LIMA1: variants seen among roughly 807,000 people sequenced by gnomAD.
LIMA1 encodes the protein LIM domain and actin-binding protein 1.
Under a neutral mutation model 62.6 loss-of-function variants are expected in LIMA1, and 52 were observed. The ratio of observed to expected loss-of-function variants is 0.83; its 90% CI spans 0.67 to 1.05. LIMA1 has a LOEUF of 1.05. Ranked by LOEUF, LIMA1 falls within the 50% of genes least tolerant of loss-of-function variation. The pLI is 0.00. For synonymous variants in LIMA1, 302 were observed against 317.8 expected (o/e 0.95, Z 0.53); for missense variants, 780 against 902.2 (o/e 0.86, Z 1.74).
chr12:50,191,780 C>T (rs1171886802), intron 9 of LIMA1, among the ~76,000 whole-genome samples: 1 of 152,124 alleles, frequency 6.6e-6, no homozygotes, highest in Non-Finnish European at 1.5e-5. Context: ...CAAGATAGCG[C>T]CACTGCACTC....
chr12:50,276,036 C>T (rs905013709), intron 1 of LIMA1, among the ~76,000 whole-genome samples: 1 of 151,950 alleles, frequency 6.6e-6, no homozygotes, highest in Non-Finnish European at 1.5e-5. Flanking sequence ...GTAATTCTAA[C>T]ACAGGCAATT....
intron 1 of LIMA1, among the ~76,000 whole-genome samples, chr12:50,253,995 T>C (rs1592557507): frequency 8.0e-6 from 1 of 124,964 alleles, no homozygotes. Flanking sequence ...GCCATTGCAC[T>C]CCAGCCTGGG....
At chr12:50,277,100 T>A (rs994478707) in intron 1 of LIMA1, among the ~76,000 whole-genome samples, 5 of 152,136 alleles carry the variant, frequency 3.3e-5, no homozygotes, top group African/African-American at 7.2e-5. Flanking sequence ...TTCACATACA[T>A]TGTAGATAAT....
intron 2 of LIMA1, among the ~76,000 whole-genome samples, chr12:50,245,063 C>T (rs1403214150): frequency 6.6e-6 from 1 of 152,068 alleles, no homozygotes; most frequent in South Asian, 2.1e-4. Flanking sequence ...TAGGTTGAGA[C>T]GGGAGGCAGA....
Position 50,261,042 on chromosome 12 carries a change from A to ATTTTTTTTTTTTTTTTTTTT in LIMA1, c.-23-12288_-23-12269dup, listed in dbSNP as rs71083524. Among the ~76,000 whole-genome samples, 5 of 54,296 alleles carry ATTTTTTTTTTTTTTTTTTTT rather than the reference A, an allele frequency of 9.2e-5. 2 individuals carry two copies. Among genetic ancestry groups the ATTTTTTTTTTTTTTTTTTTT allele is most frequent in the East Asian group, 1.1e-3 (1 of 878 alleles). 35.6% of individuals were successfully genotyped at this position (54,296 alleles called of 152,430 possible). On this transcript the variant is annotated intron_variant, in intron 1 of 10. Coordinates refer to ENST00000341247, the MANE Select transcript of LIMA1 (RefSeq NM_016357.5). ...CTTTTGCTTTTCTGCCATCTAGTAT[A>ATTTTTTTTTTTTTTTTTTTT]TTTTTTTTTTTTTTTTTTTTTTTTT...
At chr12:50,181,851 A>G (rs1363124105) in intron 10 of LIMA1, 53 bp downstream of exon 10, 43 of 1,596,746 alleles carry the variant, frequency 2.7e-5, no homozygotes, top group Non-Finnish European at 3.7e-5. Flanking sequence ...AAAGCCAAAG[A>G]CTCCCTCTAG....
chr12:50,233,124 A>G (rs1378953004), intron 2 of LIMA1, among the ~76,000 whole-genome samples: 1 of 152,222 alleles, frequency 6.6e-6, no homozygotes, highest in Non-Finnish European at 1.5e-5. Flanking sequence ...TATAACAACA[A>G]GATCCCCGTG....
intron 5 of LIMA1, among the ~76,000 whole-genome samples, chr12:50,205,230 A>C (rs945907388): frequency 6.6e-4 from 83 of 126,066 alleles, no homozygotes; most frequent in Non-Finnish European, 1.1e-3. Context: ...AGGATGCACC[A>C]CCACGCTGGG....
chr12:50,225,804 A>G (rs1301888058), intron 3 of LIMA1, among the ~76,000 whole-genome samples: 3 of 152,176 alleles, frequency 2.0e-5, no homozygotes, highest in Non-Finnish European at 4.4e-5. Flanking sequence ...TTGGCCTCCC[A>G]AAGTGCTGGG....
At position 50,278,352 on chromosome 12, in the gene LIMA1, G is replaced by A. The variant is rs548600226; in HGVS notation, c.-24+5068C>T. On this transcript the variant is annotated intron_variant, in intron 1 of 10. Transcript: ENST00000341247. ...CAGGAGAATGGCATGAACCCGGGACGTGGAGCTTGCAGTGAGCAGAGATCG... is the reference window on the plus strand; with the variant it reads ...CAGGAGAATGGCATGAACCCGGGACATGGAGCTTGCAGTGAGCAGAGATCG... Among the ~76,000 whole-genome samples the A allele has an allele frequency of 1.4e-4, 22 of 152,276 alleles. No individual in the cohort carries two copies. The South Asian group carries it at 4.3e-3, about 30-fold the overall frequency.
At chr12:50,188,245 G>A (rs538348742) in intron 9 of LIMA1, 1 of 152,306 alleles carries the variant, frequency 6.6e-6, no homozygotes, top group South Asian at 2.1e-4. Context: ...TATTCTGAGT[G>A]AACAAGTTTA....
intron 3 of LIMA1, among the ~76,000 whole-genome samples, chr12:50,227,559 C>T (rs1371105724): frequency 6.6e-6 from 1 of 152,082 alleles, no homozygotes; most frequent in Non-Finnish European, 1.5e-5. Flanking sequence ...CACTCTCTAA[C>T]CTGTTTCTTT....
chr12:50,263,329 G>A (rs1259076184), intron 1 of LIMA1, among the ~76,000 whole-genome samples: 1 of 152,166 alleles, frequency 6.6e-6, no homozygotes, highest in African/African-American at 2.4e-5. Context: ...CTAATTAGTG[G>A]TATGGCCATG....
At chr12:50,178,964 A>T (rs199681601) in intron 10 of LIMA1, among the ~76,000 whole-genome samples, 1,104 of 92,220 alleles carry the variant, frequency 0.012, 7 homozygotes, top group African/African-American at 0.025. Flanking sequence ...ATATATATAT[A>T]TATTTTTTTT....
chr12:50,270,089 C>T (rs1157934965), intron 1 of LIMA1, among the ~76,000 whole-genome samples: 2 of 150,560 alleles, frequency 1.3e-5, no homozygotes, highest in East Asian at 3.9e-4. Context: ...ACAAAATTAG[C>T]CAGGTGTGGT....
chr12:50,264,948 T>C (rs1013913048), intron 1 of LIMA1, among the ~76,000 whole-genome samples: 1 of 151,942 alleles, frequency 6.6e-6, no homozygotes, highest in African/African-American at 2.4e-5. Context: ...AGTCCAGAGT[T>C]CAAGATCAGC....
chr12:50,232,193 G>A (rs1056213388), intron 2 of LIMA1, among the ~76,000 whole-genome samples: 9 of 151,332 alleles, frequency 5.9e-5, no homozygotes, highest in South Asian at 2.1e-4. Flanking sequence ...CTGAGTGGCT[G>A]GGACTATGTA....
chr12:50,267,212 G>A (rs546694857), intron 1 of LIMA1, among the ~76,000 whole-genome samples: 1 of 152,158 alleles, frequency 6.6e-6, no homozygotes, highest in East Asian at 1.9e-4. Context: ...TGGGACTACA[G>A]GCATCCCCCA....
At chr12:50,188,279 A>G (rs1316839851) in intron 9 of LIMA1, 1 of 152,188 alleles carries the variant, frequency 6.6e-6, no homozygotes, top group Admixed American at 6.5e-5. Context: ...GTAATTTCCC[A>G]AAGTGGAGAA....
Sources: gnomAD v4.1 joint callset for allele counts (sites outside exome capture counted in the v4.1 genomes callset) on GRCh38, gnomAD v4.1.1 for gene constraint, MANE v1.5 for transcripts, NCBI Gene and HGNC (gene_info 2026-07-23, HGNC 2026-07-21) for gene names.